Variants in CCDC38 observed in about 807,000 individuals in gnomAD.
CCDC38 encodes coiled-coil domain containing 38.
CCDC38 carries 69 observed loss-of-function variants against 72.8 expected under a neutral mutation model. The ratio of observed to expected loss-of-function variants is 0.95; its 90% CI spans 0.78 to 1.16. The LOEUF (loss-of-function observed/expected upper bound fraction) is 1.16. Among genes scored for constraint, CCDC38 ranks in the 50% most tolerant of loss-of-function variants. The pLI, the probability that CCDC38 is intolerant of heterozygous loss-of-function variation, is 0.00. For synonymous variants in CCDC38, 201 were observed against 213.2 expected, an observed-to-expected ratio of 0.94 and a Z score of 0.50; for missense variants, 626 against 638.9, an observed-to-expected ratio of 0.98 and a Z score of 0.22.
intron 12 of CCDC38, 120 bp from the exon 13 acceptor site, chr12:95,878,466 G>T (rs993392440): frequency 1.0e-6 from 1 of 955,014 alleles, no homozygotes; most frequent in Non-Finnish European, 1.6e-6. Flanking sequence ...CCAAATACAA[G>T]TCTGTATTTG....
intron 8 of CCDC38, among the ~76,000 whole-genome samples, chr12:95,891,449 C>A (rs2079826124): frequency 6.6e-6 from 1 of 152,056 alleles, no homozygotes; most frequent in African/African-American, 2.4e-5. Flanking sequence ...GGGCTCAATC[C>A]ATCCTCCCAC....
chr12:95,894,775 T>TA (rs1481994317), intron 8 of CCDC38, among the ~76,000 whole-genome samples: 1 of 152,198 alleles, frequency 6.6e-6, no homozygotes, highest in Non-Finnish European at 1.5e-5. Context: ...TGCCCAGCCT[T>TA]AAGTATTCCT....
chr12:95,867,500 G>A (rs989148644), intron 15 of CCDC38, among the ~76,000 whole-genome samples: 3 of 152,176 alleles, frequency 2.0e-5, no homozygotes, highest in Admixed American at 6.6e-5. Context: ...AAAGCACCAT[G>A]TTGAAGGCCA....
Position 95,917,095 on chromosome 12 carries a change from A to C in CCDC38, c.304+34T>G, listed in dbSNP as rs371550430. ...AACCTGACATTAATAGTAAATATTC[A>C]AAATGATGTTCTTAAAGAGTAATTT... On this transcript the variant is annotated intron_variant, in intron 4 of 15. Transcript: ENST00000344280. 2.6e-4 allele frequency: 392 copies of C among 1,534,900 alleles called. 1 individual carries two copies. The African/African-American group carries it at 3.4e-3, about 13-fold the overall frequency.
chr12:95,877,341 T>C (rs949471362), intron 13 of CCDC38, among the ~76,000 whole-genome samples: 4 of 152,146 alleles, frequency 2.6e-5, no homozygotes, highest in Non-Finnish European at 4.4e-5. Flanking sequence ...TGGAAAACTT[T>C]GTAGTTTTGA....
intron 8 of CCDC38, 41 bp from the exon 9 acceptor site, chr12:95,890,971 G>C (rs1431255926): frequency 8.7e-7 from 1 of 1,153,144 alleles, no homozygotes; most frequent in Admixed American, 1.8e-5. Flanking sequence ...AGAGAAAGAT[G>C]GGGGGAAAAA....
chr12:95,914,212 C>G (rs922138159), intron 4 of CCDC38, among the ~76,000 whole-genome samples: 1 of 152,194 alleles, frequency 6.6e-6, no homozygotes, highest in African/African-American at 2.4e-5. Context: ...GTAGTCCCAG[C>G]TACTCGGAGG....
At chr12:95,876,551 A>G (rs1417635962) in intron 13 of CCDC38, among the ~76,000 whole-genome samples, 5 of 152,206 alleles carry the variant, frequency 3.3e-5, no homozygotes, top group Non-Finnish European at 7.3e-5. Context: ...AAATTTGGTT[A>G]TGTATATTGT....
At chr12:95,917,866 CAAAAAA>C (rs34424423) in intron 3 of CCDC38, among the ~76,000 whole-genome samples, 1 of 99,146 alleles carries the variant, frequency 1.0e-5, no homozygotes, top group African/African-American at 3.1e-5. Context: ...GCAAGACTGT[CAAAAAA>C]AAAAAAAAAA....
intron 4 of CCDC38, among the ~76,000 whole-genome samples, chr12:95,914,109 A>G (rs933556015): frequency 1.3e-5 from 2 of 152,254 alleles, no homozygotes; most frequent in Non-Finnish European, 2.9e-5. Flanking sequence ...GGATTACTTC[A>G]GGACAGGAGT....
intron 2 of CCDC38, among the ~76,000 whole-genome samples, chr12:95,929,235 C>T (rs929680941): frequency 4.6e-5 from 7 of 152,190 alleles, no homozygotes; most frequent in African/African-American, 1.4e-4. Context: ...GGGATATAAT[C>T]TCCTGGTGCG....
At chr12:95,936,650 T>A (rs1049002631) in intron 1 of CCDC38, 127 bp from the exon 2 acceptor site, 2 of 600,682 alleles carry the variant, frequency 3.3e-6, no homozygotes, top group East Asian at 6.0e-5. Context: ...ACACACATAC[T>A]CTTTGACCCA....
intron 13 of CCDC38, among the ~76,000 whole-genome samples, chr12:95,877,650 T>C (rs1036429): frequency 0.79 from 120,192 of 152,150 alleles, 47,946 homozygotes; most frequent in African/African-American, 0.84. Flanking sequence ...CTCAACTGAA[T>C]GAAGAATAAT....
At chr12:95,936,634 G>A in intron 1 of CCDC38, 111 bp from the exon 2 acceptor site, 1 of 756,406 alleles carries the variant, frequency 1.3e-6, no homozygotes, top group African/African-American at 1.8e-5. Context: ...TTTAAAAGCA[G>A]TGAGCACACA....
chr12:95,872,289 T>C lies in CCDC38; in HGVS notation c.1450A>G (p.Ile484Val). 1 of 1,614,200 alleles carries C rather than the reference T, an allele frequency of 6.2e-7. No individual in the cohort carries two copies. The highest frequency in any genetic ancestry group is 8.5e-7 in the Non-Finnish European group (1 of 1,180,042). ...CATTCTTTCTGTTTCATCCTCTCAA[T>C]TGCCTCCACATTTTCTTTGGGAATG... ...ESIPKENVEAIERMKQKEWRQ... is the reference protein window; with the variant it reads ...ESIPKENVEAVERMKQKEWRQ... Residue 484 changes from isoleucine to valine, a missense_variant, in exon 14 of 16, where the codon ATT becomes GTT. Ile to Val is a conservative substitution (Grantham distance 29). Coordinates refer to ENST00000344280, the MANE Select transcript of CCDC38 (RefSeq NM_182496.3).
intron 13 of CCDC38, among the ~76,000 whole-genome samples, chr12:95,873,466 C>CT (rs2121413941): frequency 6.6e-6 from 1 of 152,302 alleles, no homozygotes; most frequent in South Asian, 2.1e-4. Flanking sequence ...TAAACAAAAG[C>CT]TTAGGCCAAA....
chr12:95,874,586 G>A (rs1014672585), intron 13 of CCDC38, among the ~76,000 whole-genome samples: 1 of 152,220 alleles, frequency 6.6e-6, no homozygotes, highest in African/African-American at 2.4e-5. Context: ...GGAGCACAAG[G>A]CACAGGCCAA....
At chr12:95,884,151 A>T (rs1010955841) in intron 10 of CCDC38, among the ~76,000 whole-genome samples, 6 of 152,238 alleles carry the variant, frequency 3.9e-5, no homozygotes, top group African/African-American at 1.4e-4. Context: ...AGCTGTCGCT[A>T]TGTGCAAATG....
intron 8 of CCDC38, among the ~76,000 whole-genome samples, chr12:95,892,301 T>G (rs1166825903): frequency 6.9e-6 from 1 of 145,528 alleles, no homozygotes; most frequent in African/African-American, 2.6e-5. Flanking sequence ...TTTTTTTTTT[T>G]GGAGACAGGG....
Sources: gnomAD v4.1 joint callset for allele counts (sites outside exome capture counted in the v4.1 genomes callset) on GRCh38, gnomAD v4.1.1 for gene constraint, MANE v1.5 for transcripts, NCBI Gene and HGNC (gene_info 2026-07-23, HGNC 2026-07-21) for gene names.